NOX5: variants seen among roughly 807,000 people sequenced by gnomAD.
NOX5 encodes the protein NADPH oxidase, EF-hand calcium binding domain 5.
In NOX5, 76 loss-of-function variants were observed where a neutral mutation model predicts 85.7. The observed-to-expected ratio is 0.89, with a 90% CI of 0.74 to 1.07. The LOEUF (loss-of-function observed/expected upper bound fraction) is 1.07. Among genes scored for constraint, NOX5 ranks in the 50% least tolerant of loss-of-function variants. The pLI is 0.00. For synonymous variants in NOX5, 405 were observed against 401.4 expected (o/e 1.01, Z -0.11); for missense variants, 973 against 999.5 (o/e 0.97, Z 0.36).
chr15:69,055,828 C>T (rs1595793672), intron 15 of NOX5, among the ~76,000 whole-genome samples: 1 of 152,214 alleles, frequency 6.6e-6, no homozygotes, highest in African/African-American at 2.4e-5. Context: ...CAAATCTTAT[C>T]ATCTCCTGTT....
chr15:69,019,434 C>T (rs540451132), intron 1 of NOX5, among the ~76,000 whole-genome samples: 11 of 152,114 alleles, frequency 7.2e-5, no homozygotes, highest in Non-Finnish European at 1.2e-4. Context: ...TTGGGAGAAA[C>T]GGAATAAAGA....
At chr15:69,014,816 C>A in intron 1 of NOX5, 31 bp downstream of exon 1, 2 of 1,456,322 alleles carry the variant, frequency 1.4e-6, no homozygotes, top group African/African-American at 1.4e-5. Flanking sequence ...GCTTTCCATG[C>A]CAGGGACAAG....
chr15:69,023,160 G>A (rs2050315548), intron 1 of NOX5: 2 of 337,652 alleles, frequency 5.9e-6, no homozygotes, highest in Middle Eastern at 5.5e-4. Context: ...GAAGAAGACT[G>A]AAGCCACGGA....
chr15:69,055,643 G>A, intron 15 of NOX5, 143 bp downstream of exon 15: 1 of 793,060 alleles, frequency 1.3e-6, no homozygotes, highest in Non-Finnish European at 2.0e-6. Context: ...TGGTGTGAAA[G>A]GTAAACAGGG....
Position 69,047,512 on chromosome 15 carries a change from T to A in NOX5, c.1792T>A (p.Ser598Thr), listed in dbSNP as rs1230091194. 1.9e-6 allele frequency: 3 copies of A among 1,613,888 alleles called. No homozygotes were observed. The highest frequency in any genetic ancestry group is 2.5e-6 in the Non-Finnish European group (3 of 1,179,984). The change falls in exon 12 of 16, where the codon TCC (serine) becomes ACC (threonine). Residue 598 changes from serine (S) to threonine (T), a missense_variant. Transcript: ENST00000388866. ...AGGCATCGGCATCACCCCCTTTGCT[T>A]CCATTCTGCAGAGTATCATGTACAG... ...GAGIGITPFA[S>T]ILQSIMYRHQ...
chr15:69,035,974 A>G (rs1194513368), intron 7 of NOX5, 38 bp downstream of exon 7: 2 of 1,610,938 alleles, frequency 1.2e-6, no homozygotes, highest in Non-Finnish European at 1.7e-6. Flanking sequence ...CCCCAAGGCC[A>G]GGGTCCTACT....
At chr15:69,047,962 C>T (rs375092092) in intron 13 of NOX5, 51 bp downstream of exon 13, 5 of 1,541,222 alleles carry the variant, frequency 3.2e-6, no homozygotes, top group African/African-American at 2.7e-5. Flanking sequence ...CCCTGGACAA[C>T]TCCTAAAATA....
At chr15:69,026,432 C>G in intron 1 of NOX5, 96 bp from the exon 2 acceptor site, 1 of 1,524,088 alleles carries the variant, frequency 6.6e-7, no homozygotes, top group South Asian at 1.2e-5. Context: ...GGCTCAGGGC[C>G]CTAGTTAGAG....
chr15:69,030,994 G>A (rs771581658), intron 3 of NOX5: 1 of 153,594 alleles, frequency 6.5e-6, no homozygotes, highest in Non-Finnish European at 1.4e-5. Context: ...TGCTCAGGAA[G>A]AATAAAATAC....
chr15:69,056,491 G>A, intron 15 of NOX5, 74 bp from the exon 16 acceptor site: 4 of 1,576,568 alleles, frequency 2.5e-6, no homozygotes, highest in Non-Finnish European at 3.4e-6. Context: ...GTTACCTCCA[G>A]GTGGTTGTGT....
At chr15:69,047,064 C>T (rs2050682970) in intron 11 of NOX5, 198 bp downstream of exon 11, 2 of 608,458 alleles carry the variant, frequency 3.3e-6, no homozygotes, top group African/African-American at 1.8e-5. Context: ...CTCAGCCTCA[C>T]CCTCAGCCTG....
At position 69,035,830 on chromosome 15, in the gene NOX5, G is replaced by T. The variant is rs749823410; in HGVS notation, c.1082G>T (p.Gly361Val). 2.5e-6 allele frequency: 4 copies of T among 1,614,178 alleles called. No individual in the cohort carries two copies. Among genetic ancestry groups the T allele is most frequent in the African/African-American group, 1.3e-5 (1 of 75,054 alleles). Residue 361 changes from glycine to valine, a missense_variant, in exon 7 of 16, where the codon GGC becomes GTC. Transcript: ENST00000388866. ...ELLLTTRPGI[G>V]WVHGSASPTG... Reference sequence around the variant, plus strand: ...CTGCTCACCACGAGGCCTGGCATTGGCTGGGTACACGGTTCGGCCTCCCCG... The same window carrying T: ...CTGCTCACCACGAGGCCTGGCATTGTCTGGGTACACGGTTCGGCCTCCCCG...
chr15:69,036,980 C>T lies in NOX5; in HGVS notation c.1189-48C>T, dbSNP rs546362082. The T allele has an allele frequency of 1.4e-5, 20 of 1,467,728 alleles. No homozygotes were observed. The Admixed American group carries it at 2.2e-4, about 16-fold the overall frequency. 90.9% of individuals were successfully genotyped at this position (1,467,728 alleles called of 1,614,324 possible). Reference sequence around the variant, plus strand: ...CCCTGAGTCCTGGCTCTGTTCCACCCCCCAGGCCTTGAGCTCTGGAAGTTG... The same window carrying T: ...CCCTGAGTCCTGGCTCTGTTCCACCTCCCAGGCCTTGAGCTCTGGAAGTTG... On this transcript the variant is annotated intron_variant, in intron 7 of 15. Coordinates refer to ENST00000388866, the MANE Select transcript of NOX5 (RefSeq NM_024505.4).
At chr15:69,025,681 A>G (rs1032737490) in intron 1 of NOX5, among the ~76,000 whole-genome samples, 4 of 152,226 alleles carry the variant, frequency 2.6e-5, no homozygotes, top group African/African-American at 9.6e-5. Context: ...TGTTACACTC[A>G]TGAGCTATAG....
chr15:69,046,682 C>T (rs1000311029), intron 10 of NOX5, 140 bp from the exon 11 acceptor site: 8 of 686,540 alleles, frequency 1.2e-5, no homozygotes, highest in African/African-American at 3.5e-5. Flanking sequence ...AAAAGAGCTT[C>T]GTGTTCCCTG....
intron 8 of NOX5, 95 bp downstream of exon 8, chr15:69,037,305 G>A: frequency 8.1e-7 from 1 of 1,229,362 alleles, no homozygotes; most frequent in South Asian, 1.5e-5. Context: ...GACCCCCAAG[G>A]AAATAGAGAA....
chr15:69,031,724 G>C lies in NOX5; in HGVS notation c.532G>C (p.Asp178His). The C allele has an allele frequency of 6.2e-7, 1 of 1,612,998 alleles. No homozygotes were observed. The highest frequency in any genetic ancestry group is 8.5e-7 in the Non-Finnish European group (1 of 1,179,736). The part of the protein sequence containing the change: ...QLTLALFESA[D>H]ADGNGAITFE... ...GACGCTGGCGCTCTTCGAATCGGCC[G>C]ACGCGGACGGCAACGGGGCCATCAC... The change falls in exon 4 of 16, where the codon GAC becomes CAC. Residue 178 changes from aspartate (D) to histidine (H), a missense_variant. Asp to His is a moderately conservative substitution (Grantham distance 81, BLOSUM62 -1). Transcript: ENST00000388866.
chr15:69,041,709 A>G (rs1406905116), intron 9 of NOX5, among the ~76,000 whole-genome samples: 3 of 152,210 alleles, frequency 2.0e-5, no homozygotes, highest in Non-Finnish European at 4.4e-5. Context: ...TTGATAACTA[A>G]TTATAACTGG....
At chr15:69,025,887 A>C (rs2140251197) in intron 1 of NOX5, among the ~76,000 whole-genome samples, 1 of 152,304 alleles carries the variant, frequency 6.6e-6, no homozygotes, top group East Asian at 1.9e-4. Flanking sequence ...ACATCATAGA[A>C]GACAACCTGG....
Sources: allele counts gnomAD v4.1 joint callset (sites outside exome capture counted in the v4.1 genomes callset), GRCh38; gene constraint gnomAD v4.1.1; transcripts MANE v1.5; gene names NCBI Gene and HGNC (gene_info 2026-07-23, HGNC 2026-07-21).